CARD8: variants seen among roughly 807,000 people sequenced by gnomAD.
CARD8 encodes the protein caspase recruitment domain family member 8.
Under a neutral mutation model 53.2 loss-of-function variants are expected in CARD8, and 38 were observed. The ratio of observed to expected loss-of-function variants is 0.71; its 90% CI spans 0.55 to 0.94. The LOEUF is 0.94. CARD8 is among the 40% of genes least tolerant of loss of function. CARD8 has a pLI of 0.00. For synonymous variants in CARD8, 245 were observed against 244.9 expected (o/e 1.00, Z 0.00); for missense variants, 561 against 655.5 (o/e 0.86, Z 1.57).
At chr19:48,237,954 G>A (rs1243733242) in intron 5 of CARD8, among the ~76,000 whole-genome samples, 1 of 151,698 alleles carries the variant, frequency 6.6e-6, no homozygotes, top group Non-Finnish European at 1.5e-5. Flanking sequence ...GCAGTTGCAC[G>A]ATCTCGGCTC....
chr19:48,222,365 C>T (rs1205506223), intron 10 of CARD8, among the ~76,000 whole-genome samples: 2 of 152,134 alleles, frequency 1.3e-5, no homozygotes, highest in Non-Finnish European at 2.9e-5. Context: ...CTGCGAGGCC[C>T]AGCAGCCACA....
In CARD8 at chr19:48,218,896, C is replaced by G. The variant is rs1490646592; in HGVS notation, c.1278G>C (p.Leu426Phe). 6.2e-7 allele frequency: 1 copy of G among 1,614,172 alleles called. No individual in the cohort carries two copies. Among genetic ancestry groups the G allele is most frequent in the Non-Finnish European group, 8.5e-7 (1 of 1,180,012 alleles). The part of the protein sequence containing the change: ...LEITEKRHGT[L>F]VWDTEVKPVD... ...CTGGCTTCACCTCAGTATCCCACAC[C>G]AAAGTCCCATGTCTTTTTTCAGTAA... The change falls in exon 12 of 14, where the codon TTG becomes TTC. Residue 426 changes from leucine (L) to phenylalanine (F), a missense_variant. By Grantham distance (22) the Leu-to-Phe change is conservative (BLOSUM62 0). Transcript: ENST00000651546.
At chr19:48,239,301 T>C (rs1447237034) in intron 4 of CARD8, among the ~76,000 whole-genome samples, 1 of 152,174 alleles carries the variant, frequency 6.6e-6, no homozygotes. Context: ...AGCTTTCTAA[T>C]TTGTAAAATA....
chr19:48,254,245 A>G (rs756357843), intron 1 of CARD8, among the ~76,000 whole-genome samples: 1 of 152,110 alleles, frequency 6.6e-6, no homozygotes, highest in Non-Finnish European at 1.5e-5. Flanking sequence ...CAAATAATAA[A>G]TAAACTAACT....
In CARD8 at chr19:48,230,672, G is replaced by A. The variant is rs146202207; in HGVS notation, c.801C>T (p.Leu267=). 3.1e-5 allele frequency: 50 copies of A among 1,613,866 alleles called. No homozygotes were observed. The highest frequency in any genetic ancestry group is 4.0e-5 in the African/African-American group (3 of 74,882). Residue 267 remains leucine (L), a synonymous_variant, in exon 10 of 14, where the codon CTC becomes CTT. Coordinates refer to ENST00000651546, the MANE Select transcript of CARD8 (RefSeq NM_001184900.3). The part of the protein sequence containing the change: ...QAGEVDVSWF[L]VAHFKNEGMV... ...TCCCTTCATTCTTAAAATGGGCAAC[G>A]AGAAACCAGGAGACGTCCACCTCAC...
At chr19:48,231,052 T>C (rs2042783381) in intron 8 of CARD8, 46 bp from the exon 9 acceptor site, 1 of 1,511,550 alleles carries the variant, frequency 6.6e-7, no homozygotes, top group Non-Finnish European at 9.2e-7. Flanking sequence ...CCCCAGGACT[T>C]GGATTTAAGC....
chr19:48,226,572 T>C (rs182776655), intron 10 of CARD8, among the ~76,000 whole-genome samples: 42 of 152,284 alleles, frequency 2.8e-4, no homozygotes, highest in Admixed American at 2.4e-3. Context: ...ATTTGTTGTA[T>C]GGGCCAATTG....
intron 5 of CARD8, 148 bp from the exon 6 acceptor site, chr19:48,234,691 T>C (rs2146377620): frequency 3.1e-6 from 2 of 647,352 alleles, no homozygotes; most frequent in South Asian, 4.4e-5. Flanking sequence ...CGACTCCATC[T>C]CACCTCTCAG....
chr19:48,233,704 C>T (rs953476138), intron 6 of CARD8: 24 of 182,658 alleles, frequency 1.3e-4, no homozygotes, highest in East Asian at 1.6e-4. Context: ...TGAGAGCTGA[C>T]GGTTCCATTT....
intron 13 of CARD8, among the ~76,000 whole-genome samples, chr19:48,212,475 TAC>T (rs1568629243): frequency 6.6e-6 from 1 of 152,212 alleles, no homozygotes; most frequent in Non-Finnish European, 1.5e-5. Context: ...GGGGAAAAGA[TAC>T]AGACTTTTTT....
intron 3 of CARD8, among the ~76,000 whole-genome samples, chr19:48,248,973 G>A (rs148672125): frequency 2.6e-5 from 4 of 152,266 alleles, no homozygotes; most frequent in Admixed American, 6.5e-5. Flanking sequence ...CGAGGCGGGC[G>A]GATCACCTGA....
rs762865902 is a variant in CARD8 at position 48,234,400 on chromosome 19, T to A, written c.350+3A>T. 6.2e-7 allele frequency: 1 copy of A among 1,607,584 alleles called. No individual in the cohort carries two copies. The highest frequency in any genetic ancestry group is 8.5e-7 in the Non-Finnish European group (1 of 1,177,668). Reference sequence around the variant, plus strand: ...AGTTTTCCAACGGAATAGCTTTTCTTACCTGGGAATGTCCCCCCCAGATAG... The same window carrying A: ...AGTTTTCCAACGGAATAGCTTTTCTAACCTGGGAATGTCCCCCCCAGATAG... On this transcript the variant is annotated splice_donor_region_variant and intron_variant, in intron 6 of 13. Coordinates refer to ENST00000651546, the MANE Select transcript of CARD8 (RefSeq NM_001184900.3).
At chr19:48,232,598 G>C in intron 6 of CARD8, 105 bp from the exon 7 acceptor site, 1 of 934,668 alleles carries the variant, frequency 1.1e-6, no homozygotes, top group Non-Finnish European at 1.7e-6. Flanking sequence ...CTGTCCCGTA[G>C]AGTAGCCGCT....
chr19:48,238,272 C>T (rs2044279462), intron 5 of CARD8, 111 bp downstream of exon 5: 4 of 1,423,492 alleles, frequency 2.8e-6, no homozygotes, highest in South Asian at 3.0e-5. Context: ...AACATATATA[C>T]TAATTTTTAT....
chr19:48,238,794 G>A (rs1331244288), intron 4 of CARD8, among the ~76,000 whole-genome samples: 1 of 151,898 alleles, frequency 6.6e-6, no homozygotes, highest in African/African-American at 2.4e-5. Flanking sequence ...CCTTAGAGAT[G>A]CCATCCTCAG....
At chr19:48,255,930 A>G (rs1600817306), upstream of CARD8, 1 of 152,180 alleles carries the variant, frequency 6.6e-6, no homozygotes, top group African/African-American at 2.4e-5. Flanking sequence ...CTTTCTGAGA[A>G]CTGAGGGAAG....
chr19:48,248,622 C>T (rs139205785), intron 3 of CARD8, among the ~76,000 whole-genome samples: 31 of 152,242 alleles, frequency 2.0e-4, no homozygotes, highest in South Asian at 8.3e-4. Context: ...AATGGAAACT[C>T]GTAAACCAGT....
chr19:48,216,924 A>T (rs1474942831), intron 12 of CARD8, among the ~76,000 whole-genome samples: 1 of 152,048 alleles, frequency 6.6e-6, no homozygotes, highest in Non-Finnish European at 1.5e-5. Context: ...ACTCACCATA[A>T]TGTAGAATCA....
chr19:48,238,627 T>A, intron 4 of CARD8, 95 bp from the exon 5 acceptor site: 1 of 1,162,810 alleles, frequency 8.6e-7, no homozygotes, highest in Non-Finnish European at 1.2e-6. Flanking sequence ...AGTAGCCCGA[T>A]CCTTAGAGAT....
Sources: gnomAD v4.1 joint callset for allele counts (sites outside exome capture counted in the v4.1 genomes callset) on GRCh38, gnomAD v4.1.1 for gene constraint, MANE v1.5 for transcripts, NCBI Gene and HGNC (gene_info 2026-07-23, HGNC 2026-07-21) for gene names.